TLN2: variants seen among roughly 807,000 people sequenced by gnomAD.
The protein encoded by TLN2 is talin 2.
TLN2 carries 118 observed loss-of-function variants against 294.7 expected under a neutral mutation model. The observed-to-expected ratio is 0.40, with a 90% CI of 0.34 to 0.47. The LOEUF (loss-of-function observed/expected upper bound fraction) is 0.47, where lower values mean the gene tolerates loss of function less well. TLN2 is among the 20% of genes least tolerant of loss of function. The pLI is 0.84. For missense variants in TLN2, 3,083 were observed against 3,282.2 expected, an observed-to-expected ratio of 0.94 and a Z score of 1.48; for synonymous variants, 1,431 against 1,304.5, an observed-to-expected ratio of 1.10 and a Z score of -2.09.
At chr15:62,757,817 C>G (rs999500935) in intron 37 of TLN2, among the ~76,000 whole-genome samples, 1 of 152,158 alleles carries the variant, frequency 6.6e-6, no homozygotes, top group Admixed American at 6.5e-5. Flanking sequence ...TGCTGCCCCT[C>G]CGCGTGTGGA....
intron 1 of TLN2, among the ~76,000 whole-genome samples, chr15:62,588,112 C>T (rs1206528830): frequency 1.3e-5 from 2 of 152,084 alleles, no homozygotes; most frequent in Non-Finnish European, 2.9e-5. Flanking sequence ...GATATCCTGA[C>T]CTCGTGATCT....
chr15:62,614,856 T>C (rs7172437), intron 2 of TLN2, among the ~76,000 whole-genome samples: 3,339 of 152,278 alleles, frequency 0.022, 134 homozygotes, highest in African/African-American at 0.077. Context: ...AGTTTCGCTC[T>C]GTGCAGTGGT....
chr15:62,697,110 G>A (rs913741590), intron 14 of TLN2, among the ~76,000 whole-genome samples: 4 of 152,152 alleles, frequency 2.6e-5, no homozygotes, highest in African/African-American at 7.2e-5. Context: ...CTGTGTTGTT[G>A]TCATTTTCTC....
chr15:62,713,547 C>T (rs916130568), intron 22 of TLN2, among the ~76,000 whole-genome samples: 1 of 151,648 alleles, frequency 6.6e-6, no homozygotes. Context: ...GGCTTGGTGG[C>T]ACATGCCTGT....
chr15:62,821,875 T>C (rs2067596369), intron 54 of TLN2, among the ~76,000 whole-genome samples: 1 of 152,232 alleles, frequency 6.6e-6, no homozygotes, highest in Non-Finnish European at 1.5e-5. Flanking sequence ...ATGAAAAGTG[T>C]ACTTTAAACT....
rs1049769292 is a variant in TLN2, at chr15:62,702,157, C to T, written c.1862C>T (p.Ala621Val). 74 of 1,611,366 alleles carry T rather than the reference C, an allele frequency of 4.6e-5. 1 individual carries two copies. The East Asian group carries it at 1.1e-3, about 24-fold the overall frequency. The change falls in exon 18 of 59, where the codon GCG (alanine) becomes GTG (valine). Residue 621 changes from alanine to valine, a missense_variant. Transcript: ENST00000636159. ...LLRAARTLAG[A>V]VSDLLKAVQP... Reference sequence around the variant, plus strand: ...AGAGCTGCCAGGACCCTCGCTGGGGCGGTGTCAGACTTGCTGAAAGCTGTG... The same window carrying T: ...AGAGCTGCCAGGACCCTCGCTGGGGTGGTGTCAGACTTGCTGAAAGCTGTG...
At chr15:62,402,283 A>G (rs2033082185) in intron 1 of TLN2, among the ~76,000 whole-genome samples, 2 of 152,326 alleles carry the variant, frequency 1.3e-5, no homozygotes, top group Non-Finnish European at 1.5e-5. Flanking sequence ...ATGTGGTTGT[A>G]GACCTAATCA....
rs1200118437 is a variant in TLN2, at chr15:62,691,933, C to T, written c.1114-907C>T. On this transcript the variant is annotated intron_variant, in intron 12 of 58. Transcript: ENST00000636159. ...AAGTGATCCTCTCGCCTCAACCTCC[C>T]AAAGTGGTGGGATCACAGGTATGAG... Among the ~76,000 whole-genome samples, 3 of 152,290 alleles carry T rather than the reference C, an allele frequency of 2.0e-5. No homozygotes were observed. In the East Asian group the frequency reaches 5.8e-4, roughly 29 times the overall value.
intron 24 of TLN2, among the ~76,000 whole-genome samples, chr15:62,719,011 T>C (rs1345983790): frequency 6.6e-6 from 1 of 152,162 alleles, no homozygotes; most frequent in Admixed American, 6.5e-5. Context: ...TAGAAAAATA[T>C]GTCATCAGGC....
At chr15:62,431,357 T>A (rs2035001122) in intron 1 of TLN2, among the ~76,000 whole-genome samples, 1 of 152,198 alleles carries the variant, frequency 6.6e-6, no homozygotes, top group East Asian at 1.9e-4. Context: ...GCAGTAGGGA[T>A]AAACAACTAA....
At chr15:62,710,034 C>G (rs967914135) in intron 21 of TLN2, among the ~76,000 whole-genome samples, 5 of 152,208 alleles carry the variant, frequency 3.3e-5, no homozygotes, top group African/African-American at 9.6e-5. Context: ...CATGCCCAAC[C>G]TGGACTTTTT....
intron 1 of TLN2, among the ~76,000 whole-genome samples, chr15:62,545,602 G>C (rs2041954171): frequency 6.6e-6 from 1 of 151,920 alleles, no homozygotes. Flanking sequence ...AGGGACAGCA[G>C]AGCTGCAAAT....
chr15:62,491,345 TATATATACACACACACACACACACAC>T (rs1205834977), intron 1 of TLN2, among the ~76,000 whole-genome samples: 1 of 115,176 alleles, frequency 8.7e-6, no homozygotes, highest in African/African-American at 3.2e-5. Context: ...AAAATATATA[TATATATACACACACACACACACACAC>T]ACACACACAC....
chr15:62,657,509 T>C (rs752143456), intron 8 of TLN2, among the ~76,000 whole-genome samples: 1 of 152,228 alleles, frequency 6.6e-6, no homozygotes, highest in Non-Finnish European at 1.5e-5. Flanking sequence ...CTTTCTGGAC[T>C]GTCATCAGAC....
intron 1 of TLN2, among the ~76,000 whole-genome samples, chr15:62,430,989 T>C (rs1394574530): frequency 6.6e-6 from 1 of 151,514 alleles, no homozygotes; most frequent in Non-Finnish European, 1.5e-5. Context: ...TAGTAATAAT[T>C]TGGATGATCA....
At chr15:62,712,174 A>C in intron 22 of TLN2, 97 bp downstream of exon 22, 5 of 1,467,014 alleles carry the variant, frequency 3.4e-6, no homozygotes, top group Non-Finnish European at 4.6e-6. Context: ...CCGAGTGTGC[A>C]TTTTTGTTTG....
intron 11 of TLN2, among the ~76,000 whole-genome samples, chr15:62,680,624 T>C (rs1574025): frequency 0.87 from 130,774 of 150,814 alleles, 58,311 homozygotes; most frequent in Non-Finnish European, 0.97. Flanking sequence ...GCGTTTTTTT[T>C]GTTACATGGG....
intron 2 of TLN2, among the ~76,000 whole-genome samples, chr15:62,598,775 A>C (rs989527410): frequency 1.3e-5 from 2 of 151,798 alleles, no homozygotes; most frequent in Non-Finnish European, 2.9e-5. Flanking sequence ...GAAGTGCTCA[A>C]AGTAAATTCA....
At chr15:62,683,975 A>C (rs1455274380) in intron 11 of TLN2, 1 of 152,246 alleles carries the variant, frequency 6.6e-6, no homozygotes, top group African/African-American at 2.4e-5. Context: ...GCCATTTGCT[A>C]CTTTACCTTT....
Sources: gnomAD v4.1 joint callset for allele counts (sites outside exome capture counted in the v4.1 genomes callset) on GRCh38, gnomAD v4.1.1 for gene constraint, MANE v1.5 for transcripts, NCBI Gene and HGNC (gene_info 2026-07-23, HGNC 2026-07-21) for gene names.